Variants in MBTPS2 observed in about 807,000 individuals in gnomAD.
The protein encoded by MBTPS2 is membrane bound transcription factor peptidase, site 2, also known as membrane-bound transcription factor site-2 protease.
MBTPS2 carries 2 observed loss-of-function variants against 35.4 expected under a neutral mutation model. The observed-to-expected ratio is 0.06, with a 90% CI of 0.02 to 0.18. The LOEUF (loss-of-function observed/expected upper bound fraction) is 0.18, where lower values mean the gene tolerates loss of function less well. Among genes scored for constraint, MBTPS2 ranks in the 10% least tolerant of loss-of-function variants. The pLI is 1.00. For missense variants in MBTPS2, 244 were observed against 386.5 expected, an observed-to-expected ratio of 0.63 and a Z score of 3.09; for synonymous variants, 125 against 140.4, an observed-to-expected ratio of 0.89 and a Z score of 0.77.
At chrX:21,853,730 G>A (rs945383743) in intron 5 of MBTPS2, among the ~76,000 whole-genome samples, 1 of 111,504 alleles carries the variant, frequency 9.0e-6, no homozygotes, top group Non-Finnish European at 1.9e-5. Flanking sequence ...TAAAAACAGA[G>A]GAAAACTTTG....
intron 7 of MBTPS2, chrX:21,873,121 A>G (rs751464300): frequency 9.0e-6 from 1 of 111,721 alleles, no homozygotes; most frequent in East Asian, 2.8e-4. Flanking sequence ...ATCTCCACCA[A>G]TTATCTCTAG....
intron 5 of MBTPS2, among the ~76,000 whole-genome samples, chrX:21,864,423 G>A (rs1043865160): frequency 1.3e-4 from 14 of 111,046 alleles, no homozygotes; most frequent in African/African-American, 4.6e-4. Flanking sequence ...TTTTAGAGAT[G>A]GGGTTTCACC....
At chrX:21,845,463 T>C in intron 3 of MBTPS2, 79 bp downstream of exon 3, 1 of 893,358 alleles carries the variant, frequency 1.1e-6, no homozygotes, top group Non-Finnish European at 1.5e-6. Context: ...GTAACTCCTA[T>C]CCATAATATA....
chrX:21,856,959 G>A lies in MBTPS2; in HGVS notation c.670+3456G>A, dbSNP rs1374876459. ...CACCAGCACTGAGGCCAACCCGGCA[G>A]GCAGCAGCTCCAGCCTGGGCACGAG... is the stretch of plus-strand genomic sequence containing the variant. On this transcript the variant is annotated intron_variant, in intron 5 of 10. Transcript: ENST00000379484. 4.8e-5 allele frequency: 58 copies of A among 1,210,506 alleles called. No homozygotes were observed. The highest frequency in any genetic ancestry group is 5.6e-5 in the Non-Finnish European group (50 of 895,405).
chrX:21,875,778 A>G (rs1218111244), intron 7 of MBTPS2, among the ~76,000 whole-genome samples: 1 of 112,053 alleles, frequency 8.9e-6, no homozygotes, highest in Non-Finnish European at 1.9e-5. Context: ...AATGACAGGC[A>G]ATACTGGGAA....
chrX:21,876,121 C>T (rs1032507910), intron 7 of MBTPS2, among the ~76,000 whole-genome samples: 4 of 111,995 alleles, frequency 3.6e-5, no homozygotes, highest in African/African-American at 6.5e-5. Flanking sequence ...TAAAGAATTC[C>T]TAAACAACTT....
Position 21,883,243 on chromosome X carries a change from A to G in MBTPS2, c.*588A>G, listed in dbSNP as rs1428896890. ...GAAAGGGAAAAATCTTTGTCAAATG[A>G]TACCAAATAAATGAACAAAACAGGA... On this transcript the variant is annotated 3_prime_UTR_variant, in exon 11 of 11. Coordinates refer to ENST00000379484, the MANE Select transcript of MBTPS2 (RefSeq NM_015884.4). 2.6e-6 allele frequency: 2 copies of G among 756,564 alleles called. No homozygotes were observed. Among genetic ancestry groups the G allele is most frequent in the Non-Finnish European group, 3.1e-6 (2 of 640,860 alleles). The allele number at this position is 756,564 out of a possible 1,213,427, so 62.3% of individuals were successfully genotyped here.
intron 3 of MBTPS2, among the ~76,000 whole-genome samples, chrX:21,846,173 G>A (rs1293955367): frequency 9.0e-6 from 1 of 110,682 alleles, no homozygotes; most frequent in African/African-American, 3.3e-5. Flanking sequence ...CTCTTTTTTA[G>A]AGATTAAAAA....
intron 5 of MBTPS2, 114 bp from the exon 6 acceptor site, chrX:21,868,353 G>C (rs1265503783): frequency 1.8e-6 from 1 of 568,820 alleles, no homozygotes; most frequent in African/African-American, 2.2e-5. Flanking sequence ...TTGCCTCATT[G>C]CTTCTTCTGA....
chrX:21,879,319 C>T (rs1054138313), intron 9 of MBTPS2, among the ~76,000 whole-genome samples: 4 of 111,510 alleles, frequency 3.6e-5, no homozygotes, highest in African/African-American at 1.3e-4. Flanking sequence ...CTCACTCTGT[C>T]GCCCAGACTG....
At chrX:21,846,521 C>T (rs1371038337) in intron 3 of MBTPS2, among the ~76,000 whole-genome samples, 6 of 111,658 alleles carry the variant, frequency 5.4e-5, no homozygotes, top group African/African-American at 2.0e-4. Flanking sequence ...CAGGCATGCA[C>T]CACCACGCCT....
intron 10 of MBTPS2, among the ~76,000 whole-genome samples, chrX:21,882,018 T>C (rs2092960057): frequency 1.8e-5 from 2 of 112,235 alleles, no homozygotes; most frequent in Admixed American, 1.9e-4. Context: ...TTACAGAGGG[T>C]AGTAAAATAA....
intron 4 of MBTPS2, among the ~76,000 whole-genome samples, chrX:21,853,125 A>AT (rs1602140527): frequency 9.0e-6 from 1 of 111,211 alleles, no homozygotes; most frequent in Non-Finnish European, 1.9e-5. Flanking sequence ...GTTTCTAAAA[A>AT]TTTTGAAGTT....
Position 21,854,974 on chromosome X carries a change from ATAATGTT to A in MBTPS2, c.670+1475_670+1481del, listed in dbSNP as rs1283518537. ...ATGATGATGAAATCATTTTACTGAG[ATAATGTT>A]TAAAGTTTTGCTAAAAGAAAAATGC... On this transcript the variant is annotated intron_variant, in intron 5 of 10. Transcript: ENST00000379484. 2.5e-4 allele frequency among the ~76,000 whole-genome samples: 28 copies of A among 112,416 alleles called. 1 individual carries two copies. The highest frequency in any genetic ancestry group is 8.7e-4 in the African/African-American group (27 of 31,012).
chrX:21,848,639 G>A (rs1316958098), intron 3 of MBTPS2, among the ~76,000 whole-genome samples: 1 of 108,740 alleles, frequency 9.2e-6, no homozygotes, highest in Non-Finnish European at 1.9e-5. Flanking sequence ...GAGATCGCGC[G>A]ACTGCACTCC....
In MBTPS2 at chrX:21,878,653, A is replaced by G; in HGVS notation, c.1222A>G (p.Met408Val). 1 of 1,208,147 alleles carries G rather than the reference A, an allele frequency of 8.3e-7. No homozygotes were observed. Among genetic ancestry groups the G allele is most frequent in the African/African-American group, 1.7e-5 (1 of 57,673 alleles). Residue 408 changes from methionine (M) to valine (V), a missense_variant, in exon 9 of 11, where the codon ATG (methionine) becomes GTG (valine). Coordinates refer to ENST00000379484, the MANE Select transcript of MBTPS2 (RefSeq NM_015884.4). ...IKVKHPPQID[M>V]LYVGHPLHLH... ...AGTAAAACACCCACCTCAGATTGATATGTTATACGTAGGACATCCTCTGCA... is the reference window on the plus strand; with the variant it reads ...AGTAAAACACCCACCTCAGATTGATGTGTTATACGTAGGACATCCTCTGCA...
intron 3 of MBTPS2, among the ~76,000 whole-genome samples, chrX:21,849,731 A>G (rs760042041): frequency 1.0e-4 from 11 of 109,035 alleles, no homozygotes; most frequent in African/African-American, 3.3e-4. Flanking sequence ...TAGTTAAGAG[A>G]TAGAGACAGG....
chrX:21,879,729 C>G (rs188307208), intron 9 of MBTPS2, among the ~76,000 whole-genome samples: 2 of 110,008 alleles, frequency 1.8e-5, no homozygotes, highest in Non-Finnish European at 3.8e-5. Flanking sequence ...CTCCAATCTA[C>G]TTTCTGTTTC....
intron 5 of MBTPS2, among the ~76,000 whole-genome samples, chrX:21,863,572 G>A (rs6633467): frequency 7.2e-5 from 8 of 111,283 alleles, no homozygotes; most frequent in East Asian, 5.6e-4. Flanking sequence ...TTTTTTAAAA[G>A]CCAATTGAAC....
Sources: gnomAD v4.1 joint callset for allele counts (sites outside exome capture counted in the v4.1 genomes callset) on GRCh38, gnomAD v4.1.1 for gene constraint, MANE v1.5 for transcripts, NCBI Gene and HGNC (gene_info 2026-07-23, HGNC 2026-07-21) for gene names.